The following MECOM variants were observed in gnomAD, a reference collection of about 807,000 sequenced individuals.
The protein encoded by MECOM is histone-lysine N-methyltransferase MECOM.
In MECOM, 13 loss-of-function variants were observed where a neutral mutation model predicts 116.3. The observed-to-expected ratio is 0.11, with a 90% CI of 0.07 to 0.18. The LOEUF (loss-of-function observed/expected upper bound fraction) is 0.18, where lower values mean the gene tolerates loss of function less well. MECOM is among the 10% of genes least tolerant of loss of function. The probability of loss-of-function intolerance (pLI) is 1.00; values close to 1 mark genes in which losing one functional copy is unlikely to be tolerated. For missense variants in MECOM, 1,299 were observed against 1,509.0 expected (o/e 0.86, Z 2.31); for synonymous variants, 528 against 535.2 (o/e 0.99, Z 0.19).
At chr3:169,550,199 A>G (rs1761205308) in intron 1 of MECOM, among the ~76,000 whole-genome samples, 1 of 152,208 alleles carries the variant, frequency 6.6e-6, no homozygotes, top group Admixed American at 6.5e-5. Flanking sequence ...AGGAAGGAAA[A>G]GTTGAACAAA....
At chr3:169,254,661 C>A (rs562470859) in intron 2 of MECOM, among the ~76,000 whole-genome samples, 1 of 151,850 alleles carries the variant, frequency 6.6e-6, no homozygotes, top group Non-Finnish European at 1.5e-5. Context: ...AAGTTCTGTT[C>A]ATGACAAATG....
intron 1 of MECOM, among the ~76,000 whole-genome samples, chr3:169,567,712 C>T (rs1763398000): frequency 6.6e-6 from 1 of 152,124 alleles, no homozygotes; most frequent in South Asian, 2.1e-4. Context: ...CCTGAGGAAA[C>T]ATTGCAGAGA....
intron 1 of MECOM, among the ~76,000 whole-genome samples, chr3:169,410,716 G>A (rs752401298): frequency 2.6e-5 from 4 of 152,078 alleles, no homozygotes; most frequent in East Asian, 1.9e-4. Context: ...TCAACCAGTC[G>A]TGCCCATTGA....
chr3:169,187,034 G>A (rs750169291), intron 2 of MECOM, among the ~76,000 whole-genome samples: 38 of 152,126 alleles, frequency 2.5e-4, no homozygotes, highest in Non-Finnish European at 4.9e-4. Context: ...AACTTGTTCC[G>A]AAGCAATAGA....
chr3:169,158,517 G>A (rs541426107), intron 2 of MECOM, among the ~76,000 whole-genome samples: 1 of 152,270 alleles, frequency 6.6e-6, no homozygotes, highest in Admixed American at 6.5e-5. Flanking sequence ...GTGTTCAAAT[G>A]CCTTTTGTAC....
chr3:169,252,837 T>C (rs1269749695), intron 2 of MECOM, among the ~76,000 whole-genome samples: 1 of 152,184 alleles, frequency 6.6e-6, no homozygotes, highest in Non-Finnish European at 1.5e-5. Context: ...CCAGATATGG[T>C]TTGGGTTTGT....
chr3:169,120,307 G>A (rs1040777468), intron 7 of MECOM, among the ~76,000 whole-genome samples: 3 of 152,154 alleles, frequency 2.0e-5, no homozygotes, highest in African/African-American at 7.2e-5. Flanking sequence ...TGGGCGGAGA[G>A]AAGAAAAAGC....
chr3:169,638,419 C>A (rs902874864), intron 1 of MECOM, among the ~76,000 whole-genome samples: 2 of 152,078 alleles, frequency 1.3e-5, no homozygotes, highest in Non-Finnish European at 2.9e-5. Flanking sequence ...CAGTATTAGC[C>A]CCCTGCTACC....
chr3:169,324,780 C>T (rs577044622), intron 2 of MECOM, among the ~76,000 whole-genome samples: 1 of 152,288 alleles, frequency 6.6e-6, no homozygotes, highest in Non-Finnish European at 1.5e-5. Flanking sequence ...GGGGCTAATG[C>T]CGTTAACGCA....
intron 1 of MECOM, among the ~76,000 whole-genome samples, chr3:169,515,811 T>C (rs1412593808): frequency 3.3e-5 from 5 of 152,240 alleles, no homozygotes; most frequent in East Asian, 3.8e-4. Flanking sequence ...CTTGTACTTA[T>C]AAAAATAAAT....
intron 1 of MECOM, among the ~76,000 whole-genome samples, chr3:169,653,769 G>A (rs1433047023): frequency 6.6e-6 from 1 of 152,126 alleles, no homozygotes; most frequent in East Asian, 1.9e-4. Context: ...ATCCTCACAT[G>A]AGGTAAGTAC....
chr3:169,659,415 G>A (rs1327284065), intron 1 of MECOM, among the ~76,000 whole-genome samples: 1 of 133,426 alleles, frequency 7.5e-6, no homozygotes. Flanking sequence ...AATGAAAAGC[G>A]TAATTAACCT....
chr3:169,521,732 G>T (rs1415152557), intron 1 of MECOM, among the ~76,000 whole-genome samples: 1 of 152,192 alleles, frequency 6.6e-6, no homozygotes, highest in African/African-American at 2.4e-5. Flanking sequence ...GGATTCTAAT[G>T]CACACTCAAG....
intron 1 of MECOM, among the ~76,000 whole-genome samples, chr3:169,505,440 T>C (rs1308884377): frequency 2.0e-5 from 3 of 152,196 alleles, no homozygotes; most frequent in Non-Finnish European, 2.9e-5. Context: ...ATAGAAACTG[T>C]ATATATTTGA....
intron 1 of MECOM, among the ~76,000 whole-genome samples, chr3:169,502,470 TC>T (rs2108983417): frequency 6.6e-6 from 1 of 152,216 alleles, no homozygotes; most frequent in Admixed American, 6.5e-5. Flanking sequence ...TAATAAATTT[TC>T]TTTTGCCTAA....
rs145297581 is a variant in MECOM, at chr3:169,097,617, T to C, written c.2850-2372A>G. On this transcript the variant is annotated intron_variant, in intron 12 of 16. Transcript: ENST00000651503. Reference sequence around the variant, plus strand: ...GGCAATTAGCATATGTAAATCTGAATTTTTTCATTTGTAAAACAGAGGGGC... The same window carrying C: ...GGCAATTAGCATATGTAAATCTGAACTTTTTCATTTGTAAAACAGAGGGGC... Among the ~76,000 whole-genome samples the C allele has an allele frequency of 7.5e-3, 1,135 of 151,928 alleles. 12 individuals carry two copies. The highest frequency in any genetic ancestry group is 0.026 in the African/African-American group (1,066 of 41,426).
chr3:169,635,157 G>A (rs1772579632), intron 1 of MECOM, among the ~76,000 whole-genome samples: 1 of 152,124 alleles, frequency 6.6e-6, no homozygotes, highest in Non-Finnish European at 1.5e-5. Flanking sequence ...CTTTATGAAT[G>A]GTGTGACTTT....
intron 1 of MECOM, among the ~76,000 whole-genome samples, chr3:169,496,470 G>C (rs1753831782): frequency 6.6e-6 from 1 of 152,164 alleles, no homozygotes; most frequent in African/African-American, 2.4e-5. Flanking sequence ...TTGAGATCAA[G>C]TGAATCGTCA....
intron 1 of MECOM, among the ~76,000 whole-genome samples, chr3:169,609,047 T>C (rs1270094029): frequency 6.6e-6 from 1 of 152,218 alleles, no homozygotes; most frequent in African/African-American, 2.4e-5. Flanking sequence ...TAAAAATCTA[T>C]TAACTTTCTG....
Sources: allele counts gnomAD v4.1 joint callset (sites outside exome capture counted in the v4.1 genomes callset), GRCh38; gene constraint gnomAD v4.1.1; transcripts MANE v1.5; gene names NCBI Gene and HGNC (gene_info 2026-07-23, HGNC 2026-07-21).